Variants in LINGO2 observed in about 807,000 individuals in gnomAD.
LINGO2 encodes leucine rich repeat and Ig domain containing 2.
A neutral mutation model predicts 30.6 loss-of-function variants in LINGO2; 14 were observed. The observed-to-expected ratio is 0.46, with a 90% confidence interval of 0.30 to 0.72. The LOEUF (loss-of-function observed/expected upper bound fraction) is 0.72. Among genes scored for constraint, LINGO2 ranks in the 30% least tolerant of loss-of-function variants. The pLI, the probability that LINGO2 is intolerant of heterozygous loss-of-function variation, is 0.07. For synonymous variants in LINGO2, 317 were observed against 288.5 expected, an observed-to-expected ratio of 1.10 and a Z score of -1.00; for missense variants, 729 against 751.7, an observed-to-expected ratio of 0.97 and a Z score of 0.35.
chr9:29,168,292 T>G, the LINGO2 span, among the ~76,000 whole-genome samples: 5 of 152,114 alleles, frequency 3.3e-5, no homozygotes, highest in African/African-American at 1.2e-4. Context: ...ATTTAAAGTA[T>G]TATATTTGTA....
intron 4 of LINGO2, among the ~76,000 whole-genome samples, chr9:28,064,569 G>A (rs1825255427): frequency 6.6e-6 from 1 of 152,134 alleles, no homozygotes; most frequent in African/African-American, 2.4e-5. Flanking sequence ...GGTCCTATCT[G>A]TTAGTAATAT....
the LINGO2 span, among the ~76,000 whole-genome samples, chr9:28,809,401 C>A: frequency 7.9e-5 from 12 of 152,094 alleles, no homozygotes; most frequent in African/African-American, 2.7e-4. Flanking sequence ...TCCCTAAAAC[C>A]ATTATTATCT....
rs564539586 is a variant in LINGO2 at position 28,426,209 on chromosome 9, T to C, written c.-279+49731A>G. 3.3e-3 allele frequency among the ~76,000 whole-genome samples: 505 copies of C among 152,092 alleles called. 5 individuals are homozygous for C. The highest frequency in any genetic ancestry group is 5.0e-3 in the Non-Finnish European group (343 of 67,924). On this transcript the variant is annotated intron_variant, in intron 2 of 5. Coordinates refer to ENST00000379992, the Ensembl canonical transcript of LINGO2. The stretch of plus-strand genomic sequence containing the variant: ...AATTTATCCTAGCAATAAACACTTT[T>C]GGGGAAAAATGATAAATAGCACATC...
the LINGO2 span, among the ~76,000 whole-genome samples, chr9:29,192,628 C>G: frequency 6.6e-6 from 1 of 152,152 alleles, no homozygotes; most frequent in African/African-American, 2.4e-5. Context: ...CATCTCTTCG[C>G]TCTGAACACT....
chr9:29,208,437 TTAA>T, the LINGO2 span, among the ~76,000 whole-genome samples: 3 of 152,068 alleles, frequency 2.0e-5, no homozygotes, highest in East Asian at 3.9e-4. Flanking sequence ...TTGTGCCTTA[TTAA>T]TAATAACTTT....
At position 28,280,142 on chromosome 9, in the gene LINGO2, AAG is replaced by A. The variant is rs935444781; in HGVS notation, c.-87+15064_-87+15065del. ...CATTTAAAGATGTGGATGAAAGGCA[AAG>A]AATGGGCATTTGAAAATGATGCAAA... is the stretch of plus-strand genomic sequence containing the variant. On this transcript the variant is annotated intron_variant, in intron 4 of 5. Transcript: ENST00000379992. Among the ~76,000 whole-genome samples, 148 of 152,294 alleles carry A rather than the reference AAG, an allele frequency of 9.7e-4. 1 individual carries two copies. In the South Asian group the frequency reaches 0.02, roughly 21 times the overall value.
At position 28,007,366 on chromosome 9, in the gene LINGO2, G is replaced by A. The variant is rs1355712212; in HGVS notation, c.-36+4989C>T. ...GAGGAGGGCAGGAAAGACAAAAAGC[G>A]CTACGCATGATGAAAACTGAGTAAC... is the stretch of plus-strand genomic sequence containing the variant. On this transcript the variant is annotated intron_variant, in intron 5 of 5. Coordinates refer to ENST00000379992, the Ensembl canonical transcript of LINGO2. Among the ~76,000 whole-genome samples the A allele has an allele frequency of 7.2e-5, 11 of 152,142 alleles. No homozygotes were observed. In the South Asian group the frequency reaches 1.9e-3, roughly 26 times the overall value.
chr9:28,881,243 C>T, the LINGO2 span, among the ~76,000 whole-genome samples: 2 of 152,060 alleles, frequency 1.3e-5, no homozygotes, highest in Admixed American at 1.3e-4. Flanking sequence ...CCTGCCTCAG[C>T]CTCCTGAGTA....
rs74432614 is a variant in LINGO2 at position 28,297,787 on chromosome 9, T to A, written c.-245-2421A>T. 5.2e-4 allele frequency among the ~76,000 whole-genome samples: 79 copies of A among 152,296 alleles called. No individual in the cohort carries two copies. In the East Asian group the frequency reaches 0.013, roughly 26 times the overall value. On this transcript the variant is annotated intron_variant, in intron 3 of 5. Transcript: ENST00000379992. The stretch of plus-strand genomic sequence containing the variant: ...AATCAGATAATCCAACCAATTAGGT[T>A]TTGATAGTACAATAACATCTACGGC...
At chr9:28,546,008 C>T (rs142143593) in intron 1 of LINGO2, among the ~76,000 whole-genome samples, 1,655 of 152,124 alleles carry the variant, frequency 0.011, 20 homozygotes, top group Non-Finnish European at 0.017. Flanking sequence ...GTATTCTTCA[C>T]ATATTAGCTA....
chr9:28,886,926 T>A, the LINGO2 span, among the ~76,000 whole-genome samples: 1 of 152,122 alleles, frequency 6.6e-6, no homozygotes, highest in Admixed American at 6.6e-5. Flanking sequence ...CAAGTTAATA[T>A]TAGAGATGCA....
At chr9:28,208,444 A>G (rs1009018329) in intron 4 of LINGO2, among the ~76,000 whole-genome samples, 8 of 152,220 alleles carry the variant, frequency 5.3e-5, no homozygotes, top group African/African-American at 1.4e-4. Context: ...GCAATCTGCT[A>G]TTTAAGGAAG....
chr9:28,751,335 T>C, the LINGO2 span, among the ~76,000 whole-genome samples: 1 of 149,756 alleles, frequency 6.7e-6, no homozygotes, highest in African/African-American at 2.5e-5. Flanking sequence ...CACTGCTTGC[T>C]TTTAGGAGAG....
chr9:28,615,817 A>G (rs148603610), intron 1 of LINGO2, among the ~76,000 whole-genome samples: 5 of 152,316 alleles, frequency 3.3e-5, no homozygotes, highest in Admixed American at 2.6e-4. Flanking sequence ...CAGCATTTTA[A>G]TCAATGGCTT....
At chr9:28,805,532 T>G in the LINGO2 span, among the ~76,000 whole-genome samples, 1 of 152,236 alleles carries the variant, frequency 6.6e-6, no homozygotes, top group Non-Finnish European at 1.5e-5. Flanking sequence ...GTATACATAT[T>G]GGCCAATTTG....
chr9:28,703,942 A>C, the LINGO2 span, among the ~76,000 whole-genome samples: 1 of 151,846 alleles, frequency 6.6e-6, no homozygotes, highest in Non-Finnish European at 1.5e-5. Context: ...CTTTTTGATA[A>C]TTTTTGGATA....
At chr9:28,619,154 G>A (rs1826279741) in intron 1 of LINGO2, among the ~76,000 whole-genome samples, 1 of 152,084 alleles carries the variant, frequency 6.6e-6, no homozygotes. Context: ...TTTTATATGG[G>A]CTAGTGAATG....
chr9:28,357,625 T>A (rs1215229520), intron 3 of LINGO2, among the ~76,000 whole-genome samples: 1 of 152,134 alleles, frequency 6.6e-6, no homozygotes, highest in Non-Finnish European at 1.5e-5. Context: ...ACTTAGATAA[T>A]GATATTTTTA....
At chr9:28,686,417 T>G in the LINGO2 span, among the ~76,000 whole-genome samples, 7 of 152,050 alleles carry the variant, frequency 4.6e-5, no homozygotes, top group Non-Finnish European at 7.4e-5. Flanking sequence ...AAACTAATTT[T>G]TATGGCTTTT....
Sources: allele counts gnomAD v4.1 joint callset (sites outside exome capture counted in the v4.1 genomes callset), GRCh38; gene constraint gnomAD v4.1.1; transcripts MANE v1.5; gene names NCBI Gene and HGNC (gene_info 2026-07-23, HGNC 2026-07-21).